The following STK32A variants were observed in gnomAD, a reference collection of about 807,000 sequenced individuals.
STK32A encodes serine/threonine kinase 32A.
STK32A carries 41 observed loss-of-function variants against 53.2 expected under a neutral mutation model. That is an observed-to-expected ratio of 0.77 (90% confidence interval 0.60 to 1.00). The LOEUF is 1.00. Among genes scored for constraint, STK32A ranks in the 50% least tolerant of loss-of-function variants. STK32A has a pLI of 0.00. For synonymous variants in STK32A, 166 were observed against 162.8 expected (o/e 1.02, Z -0.15); for missense variants, 458 against 485.8 (o/e 0.94, Z 0.54).
Position 147,384,358 on chromosome 5 carries a change from T to C in STK32A, c.*375T>C. ...TATGAATATAGATTTATTTTTCCAC[T>C]CCTTCTAATTATGCAGTGACAAATG... On this transcript the variant is annotated 3_prime_UTR_variant, in exon 13 of 13. Coordinates refer to ENST00000397936, the MANE Select transcript of STK32A (RefSeq NM_001112724.2). The C allele has an allele frequency of 6.6e-7, 1 of 1,506,968 alleles. No homozygotes were observed. The highest frequency in any genetic ancestry group is 1.3e-5 in the South Asian group (1 of 76,554). 93.3% of individuals were successfully genotyped at this position (1,506,968 alleles called of 1,614,324 possible).
At chr5:147,344,600 C>T (rs1467845080) in intron 6 of STK32A, among the ~76,000 whole-genome samples, 2 of 152,180 alleles carry the variant, frequency 1.3e-5, no homozygotes, top group Admixed American at 6.5e-5. Context: ...CAGAGAGACC[C>T]TGTTTCTTGT....
At chr5:147,266,073 C>A (rs1253109447) in intron 2 of STK32A, among the ~76,000 whole-genome samples, 1 of 152,172 alleles carries the variant, frequency 6.6e-6, no homozygotes, top group Admixed American at 6.5e-5. Context: ...ATGTCAGCAC[C>A]TTTCTGTTGC....
chr5:147,341,348 T>C (rs911259930), intron 5 of STK32A, among the ~76,000 whole-genome samples: 2 of 152,228 alleles, frequency 1.3e-5, no homozygotes, highest in African/African-American at 2.4e-5. Flanking sequence ...ATCAGCCTTC[T>C]TGAGTGCACT....
intron 2 of STK32A, among the ~76,000 whole-genome samples, chr5:147,255,043 G>C (rs1754167233): frequency 6.6e-6 from 1 of 152,200 alleles, no homozygotes; most frequent in African/African-American, 2.4e-5. Flanking sequence ...AGGAGGCTGA[G>C]GCGGGAGAAT....
chr5:147,325,008 G>A (rs978841509), intron 5 of STK32A, among the ~76,000 whole-genome samples: 2 of 152,034 alleles, frequency 1.3e-5, no homozygotes, highest in Non-Finnish European at 2.9e-5. Flanking sequence ...TGTCTCAAAG[G>A]TTTGCCAAGG....
chr5:147,257,922 CT>C (rs1754308012), intron 2 of STK32A, among the ~76,000 whole-genome samples: 1 of 151,960 alleles, frequency 6.6e-6, no homozygotes, highest in Admixed American at 6.6e-5. Context: ...TCCTTGGTGC[CT>C]TTTTACTGAG....
At position 147,266,051 on chromosome 5, in the gene STK32A, G is replaced by A. The variant is rs1754794484; in HGVS notation, c.53-12073G>A. 2.0e-5 allele frequency among the ~76,000 whole-genome samples: 3 copies of A among 152,192 alleles called. No individual in the cohort carries two copies. In the South Asian group the frequency reaches 6.2e-4, roughly 32 times the overall value. On this transcript the variant is annotated intron_variant, in intron 2 of 12. Coordinates refer to ENST00000397936, the MANE Select transcript of STK32A (RefSeq NM_001112724.2). ...CTCTATTCTGACCAGGTATACGGTA[G>A]ACTGTAATTTAATGTCAGCACCTTT... is the stretch of plus-strand genomic sequence containing the variant.
chr5:147,302,709 G>A (rs1420951757), intron 4 of STK32A, among the ~76,000 whole-genome samples: 2 of 152,114 alleles, frequency 1.3e-5, no homozygotes, highest in Non-Finnish European at 2.9e-5. Flanking sequence ...GAGGAAGAGA[G>A]GTAAGCTATA....
At chr5:147,282,652 A>G (rs141016113) in intron 4 of STK32A, among the ~76,000 whole-genome samples, 7,855 of 152,240 alleles carry the variant, frequency 0.052, 261 homozygotes, top group South Asian at 0.085. Context: ...TTCTTATATC[A>G]GACAAAACAA....
chr5:147,373,793 A>C (rs1177914695), intron 10 of STK32A, among the ~76,000 whole-genome samples: 1 of 152,120 alleles, frequency 6.6e-6, no homozygotes, highest in Non-Finnish European at 1.5e-5. Context: ...CCAAAGACAT[A>C]TAATTCCCAT....
intron 1 of STK32A, among the ~76,000 whole-genome samples, chr5:147,238,368 C>T (rs748051250): frequency 6.6e-6 from 1 of 152,142 alleles, no homozygotes; most frequent in Admixed American, 6.5e-5. Context: ...ATAGGGATCC[C>T]AGCTTGTCAC....
intron 2 of STK32A, among the ~76,000 whole-genome samples, chr5:147,249,450 A>G (rs1051603616): frequency 1.3e-5 from 2 of 152,176 alleles, no homozygotes. Context: ...TGGCAAATAA[A>G]AGAACAAAAG....
the STK32A span, chr5:147,395,716 T>G: frequency 1.1e-5 from 18 of 1,613,730 alleles, no homozygotes; most frequent in African/African-American, 2.3e-4. Context: ...CATGCAGGTC[T>G]GCCATCTGCA....
At chr5:147,393,352 C>G in the STK32A span, 1 of 152,300 alleles carries the variant, frequency 6.6e-6, no homozygotes, top group Non-Finnish European at 1.5e-5. Flanking sequence ...CTGGCACAAT[C>G]AAGCAGGTGG....
At chr5:147,337,933 A>T (rs1399902617) in intron 5 of STK32A, among the ~76,000 whole-genome samples, 1 of 152,166 alleles carries the variant, frequency 6.6e-6, no homozygotes, top group African/African-American at 2.4e-5. Context: ...GGAAGTGAGA[A>T]TAAGGAAACT....
intron 4 of STK32A, among the ~76,000 whole-genome samples, chr5:147,323,337 C>T (rs1442760062): frequency 6.6e-6 from 1 of 152,188 alleles, no homozygotes; most frequent in Non-Finnish European, 1.5e-5. Flanking sequence ...CCTTTACTTC[C>T]CCATCCCAAA....
chr5:147,315,133 A>T (rs1490131849), intron 4 of STK32A, among the ~76,000 whole-genome samples: 1 of 152,192 alleles, frequency 6.6e-6, no homozygotes, highest in Non-Finnish European at 1.5e-5. Context: ...TGGGAATGTA[A>T]TGTGGTACAG....
At chr5:147,351,840 C>T (rs909703850) in intron 7 of STK32A, among the ~76,000 whole-genome samples, 15 of 151,890 alleles carry the variant, frequency 9.9e-5, no homozygotes, top group African/African-American at 2.9e-4. Context: ...AGCGAGATTT[C>T]GTCTCAAAAC....
At position 147,298,307 on chromosome 5, in the gene STK32A, G is replaced by A. The variant is rs75865217; in HGVS notation, c.260+18909G>A. ...TACTTTTGTTCACCTCTTGAATGGA[G>A]GCAATTTTTTCTTTTAGGATTTCTT... On this transcript the variant is annotated intron_variant, in intron 4 of 12. Coordinates refer to ENST00000397936, the MANE Select transcript of STK32A (RefSeq NM_001112724.2). Among the ~76,000 whole-genome samples the A allele has an allele frequency of 8.3e-3, 1,265 of 152,254 alleles. 7 individuals are homozygous for A. The highest frequency in any genetic ancestry group is 0.013 in the Non-Finnish European group (917 of 68,022).
Sources: allele counts gnomAD v4.1 joint callset (sites outside exome capture counted in the v4.1 genomes callset), GRCh38; gene constraint gnomAD v4.1.1; transcripts MANE v1.5; gene names NCBI Gene and HGNC (gene_info 2026-07-23, HGNC 2026-07-21).